The following CNTN5 variants were observed in gnomAD, a reference collection of about 807,000 sequenced individuals.
CNTN5 encodes contactin 5, also known as contactin-5.
A neutral mutation model predicts 129.1 loss-of-function variants in CNTN5; 77 were observed. That is an observed-to-expected ratio of 0.60 (90% CI 0.50 to 0.72). The LOEUF (loss-of-function observed/expected upper bound fraction) is 0.72. CNTN5 is among the 30% of genes least tolerant of loss of function. The pLI is 0.00. For synonymous variants in CNTN5, 509 were observed against 465.6 expected (o/e 1.09, Z -1.20); for missense variants, 1,478 against 1,328.8 (o/e 1.11, Z -1.75).
chr11:100,057,026 C>A (rs1227818794), intron 9 of CNTN5, among the ~76,000 whole-genome samples: 2 of 151,344 alleles, frequency 1.3e-5, no homozygotes, highest in African/African-American at 2.4e-5. Context: ...TCAGCAGGTT[C>A]CTGAAAGTAG....
chr11:99,066,059 T>C (rs1418598154), intron 1 of CNTN5, among the ~76,000 whole-genome samples: 1 of 152,168 alleles, frequency 6.6e-6, no homozygotes, highest in East Asian at 1.9e-4. Flanking sequence ...TTATTAAATA[T>C]AGATACACGC....
intron 3 of CNTN5, among the ~76,000 whole-genome samples, chr11:99,588,943 A>T (rs995175042): frequency 1.2e-4 from 18 of 152,258 alleles, no homozygotes; most frequent in Admixed American, 7.2e-4. Context: ...TGAAGTAATT[A>T]GTTTTCCCTC....
intron 6 of CNTN5, among the ~76,000 whole-genome samples, chr11:99,869,461 C>A (rs986983859): frequency 6.6e-6 from 1 of 152,150 alleles, no homozygotes; most frequent in African/African-American, 2.4e-5. Flanking sequence ...TTTTATGAAA[C>A]TGGTATAATT....
intron 15 of CNTN5, among the ~76,000 whole-genome samples, chr11:100,196,981 G>A (rs930590004): frequency 2.6e-5 from 4 of 151,994 alleles, no homozygotes; most frequent in African/African-American, 9.7e-5. Context: ...AGAAATTGCA[G>A]TATGGGCTAT....
intron 8 of CNTN5, among the ~76,000 whole-genome samples, chr11:99,985,649 C>T (rs749065534): frequency 3.3e-5 from 5 of 152,122 alleles, no homozygotes; most frequent in Admixed American, 2.0e-4. Flanking sequence ...TCACCAGGGA[C>T]CTATCCCTGT....
At chr11:99,403,507 T>A (rs915813586) in intron 2 of CNTN5, among the ~76,000 whole-genome samples, 3 of 152,144 alleles carry the variant, frequency 2.0e-5, no homozygotes, top group Admixed American at 6.5e-5. Flanking sequence ...TTAAATTACC[T>A]CTTATTGCTG....
chr11:99,392,986 T>A (rs964159835), intron 2 of CNTN5, among the ~76,000 whole-genome samples: 2 of 151,784 alleles, frequency 1.3e-5, no homozygotes, highest in African/African-American at 4.8e-5. Context: ...TAAGGATGAG[T>A]AAGATTGTCT....
At chr11:99,840,434 A>G (rs1015206900) in intron 4 of CNTN5, among the ~76,000 whole-genome samples, 1 of 152,122 alleles carries the variant, frequency 6.6e-6, no homozygotes, top group Admixed American at 6.5e-5. Context: ...AATTGAGAAA[A>G]TTTAAGAAGT....
intron 2 of CNTN5, among the ~76,000 whole-genome samples, chr11:99,358,565 C>T (rs1451096163): frequency 6.6e-6 from 1 of 151,516 alleles, no homozygotes; most frequent in Non-Finnish European, 1.5e-5. Context: ...ATCTCAAAAA[C>T]AAAATAAAAA....
chr11:99,695,796 A>G (rs1029048701), intron 3 of CNTN5, among the ~76,000 whole-genome samples: 3 of 152,026 alleles, frequency 2.0e-5, no homozygotes. Flanking sequence ...TTCAAATCTT[A>G]CTTCTACTAA....
At chr11:100,077,583 G>A (rs2137907792) in intron 13 of CNTN5, among the ~76,000 whole-genome samples, 1 of 152,132 alleles carries the variant, frequency 6.6e-6, no homozygotes, top group Admixed American at 6.6e-5. Context: ...CACTTTGGGG[G>A]GCCAAGATGC....
intron 3 of CNTN5, among the ~76,000 whole-genome samples, chr11:99,663,871 G>T (rs1339263450): frequency 6.6e-6 from 1 of 152,120 alleles, no homozygotes; most frequent in African/African-American, 2.4e-5. Flanking sequence ...AGCGTGAGAA[G>T]GGACAATGAT....
At chr11:99,453,963 C>A (rs183514965) in intron 2 of CNTN5, among the ~76,000 whole-genome samples, 5 of 152,224 alleles carry the variant, frequency 3.3e-5, no homozygotes, top group African/African-American at 4.8e-5. Context: ...AATTAAATGA[C>A]ATATATTTCT....
intron 3 of CNTN5, among the ~76,000 whole-genome samples, chr11:99,730,958 T>A (rs1591052446): frequency 6.6e-6 from 1 of 152,150 alleles, no homozygotes; most frequent in South Asian, 2.1e-4. Flanking sequence ...CCCCACCATT[T>A]CCCAGCCTCT....
intron 1 of CNTN5, among the ~76,000 whole-genome samples, chr11:99,239,017 TGTA>T (rs1327839912): frequency 2.6e-5 from 4 of 152,186 alleles, no homozygotes; most frequent in African/African-American, 9.6e-5. Flanking sequence ...TACAGGTTTA[TGTA>T]GTAGTTTATT....
intron 9 of CNTN5, among the ~76,000 whole-genome samples, chr11:100,032,791 TA>T (rs2137623644): frequency 6.6e-6 from 1 of 152,284 alleles, no homozygotes; most frequent in East Asian, 1.9e-4. Flanking sequence ...TCTTTGAGTA[TA>T]AAAATAGGTA....
At chr11:99,918,624 C>CTT (rs1350295668) in intron 7 of CNTN5, among the ~76,000 whole-genome samples, 1 of 152,148 alleles carries the variant, frequency 6.6e-6, no homozygotes, top group Admixed American at 6.6e-5. Context: ...GCCATACACT[C>CTT]TGACTTCCCA....
intron 2 of CNTN5, among the ~76,000 whole-genome samples, chr11:99,537,826 G>A (rs1182741405): frequency 1.3e-5 from 2 of 152,158 alleles, no homozygotes; most frequent in African/African-American, 4.8e-5. Context: ...GCTTTCTAGG[G>A]AATAGCAGAG....
intron 1 of CNTN5, among the ~76,000 whole-genome samples, chr11:99,031,048 C>G (rs1020780020): frequency 6.6e-6 from 1 of 152,018 alleles, no homozygotes; most frequent in Non-Finnish European, 1.5e-5. Flanking sequence ...CCGCCCGTCT[C>G]GGCCTCCCAA....
Sources: gnomAD v4.1 joint callset for allele counts (sites outside exome capture counted in the v4.1 genomes callset) on GRCh38, gnomAD v4.1.1 for gene constraint, MANE v1.5 for transcripts, NCBI Gene and HGNC (gene_info 2026-07-23, HGNC 2026-07-21) for gene names.